Variants in DBF4B observed in about 807,000 individuals in gnomAD.
DBF4B encodes DBF4B-CDC7 kinase regulatory subunit.
DBF4B carries 49 observed loss-of-function variants against 53.4 expected under a neutral mutation model. The ratio of observed to expected loss-of-function variants is 0.92; its 90% CI spans 0.73 to 1.16. The LOEUF is 1.16. Among genes scored for constraint, DBF4B ranks in the 50% most tolerant of loss-of-function variants. The probability of loss-of-function intolerance (pLI) is 0.00; values close to 1 mark genes in which losing one functional copy is unlikely to be tolerated. For missense variants in DBF4B, 692 were observed against 775.0 expected (o/e 0.89, Z 1.27); for synonymous variants, 257 against 288.7 (o/e 0.89, Z 1.11).
intron 2 of DBF4B, among the ~76,000 whole-genome samples, chr17:44,721,873 G>A (rs1388859200): frequency 1.3e-5 from 2 of 151,504 alleles, no homozygotes; most frequent in Non-Finnish European, 2.9e-5. Flanking sequence ...GGTGGCTCGC[G>A]CCTGTAATCC....
intron 2 of DBF4B, among the ~76,000 whole-genome samples, chr17:44,711,535 T>C (rs992103250): frequency 6.6e-6 from 1 of 152,076 alleles, no homozygotes; most frequent in African/African-American, 2.4e-5. Context: ...AGGCAGGCCA[T>C]GTGTGGTGGC....
In DBF4B at chr17:44,749,202, A is replaced by T. The variant is rs2049206322; in HGVS notation, c.1189+737A>T. On this transcript the variant is annotated intron_variant, in intron 13 of 13. Coordinates refer to ENST00000315005, the MANE Select transcript of DBF4B (RefSeq NM_145663.3). The surrounding 1 kb of genome is among the most constrained non-coding windows in gnomAD (Gnocchi z 4.4). ...CCAGTGCGGGAGCCAGCTGTTCCCG[A>T]TGCCTCTGGGCCCCCCAGCCTCTCC... The T allele has an allele frequency of 7.0e-6, 9 of 1,289,942 alleles. No individual in the cohort carries two copies. The highest frequency in any genetic ancestry group is 9.1e-6 in the Non-Finnish European group (9 of 988,842). 79.9% of individuals were successfully genotyped at this position (1,289,942 alleles called of 1,614,324 possible).
chr17:44,736,233 C>T (rs1036010067), intron 7 of DBF4B, among the ~76,000 whole-genome samples: 2 of 151,982 alleles, frequency 1.3e-5, no homozygotes, highest in Middle Eastern at 3.2e-3. Context: ...ATCCACCTGC[C>T]TCGGCCTACC....
chr17:44,719,853 T>A, intron 2 of DBF4B: 1 of 223,994 alleles, frequency 4.5e-6, no homozygotes. Context: ...GATTTTTTTC[T>A]AAAACATGTG....
In DBF4B at chr17:44,749,260, T is replaced by C. The variant is rs1324414598; in HGVS notation, c.1189+795T>C. 7.7e-7 allele frequency: 1 copy of C among 1,290,384 alleles called. No homozygotes were observed. Among genetic ancestry groups the C allele is most frequent in the African/African-American group, 1.5e-5 (1 of 65,902 alleles). 79.9% of individuals were successfully genotyped at this position (1,290,384 alleles called of 1,614,324 possible). ...CTGTCTCCCTGTCTCCCAGCCCTGG[T>C]CCCAACCCCAGCCCCAGCCCCAGCC... On this transcript the variant is annotated intron_variant, in intron 13 of 13. Coordinates refer to ENST00000315005, the MANE Select transcript of DBF4B (RefSeq NM_145663.3). The surrounding 1 kb of genome is among the most constrained non-coding windows in gnomAD (Gnocchi z 4.4).
intron 2 of DBF4B, among the ~76,000 whole-genome samples, chr17:44,710,117 G>C (rs1011810723): frequency 3.3e-5 from 5 of 151,862 alleles, no homozygotes; most frequent in Non-Finnish European, 7.4e-5. Context: ...AGGTTGCAGC[G>C]AGCCGAGATT....
intron 2 of DBF4B, 71 bp downstream of exon 2, chr17:44,709,437 A>G: frequency 6.6e-7 from 1 of 1,516,246 alleles, no homozygotes; most frequent in East Asian, 2.3e-5. Flanking sequence ...AGACCGAAAA[A>G]TGTTCCCCCT....
chr17:44,748,714 T>G (rs2049178694), intron 13 of DBF4B: 1 of 1,391,164 alleles, frequency 7.2e-7, no homozygotes, highest in Non-Finnish European at 9.5e-7. Flanking sequence ...GAAGGTTCAG[T>G]TCCCCAGTGG....
At position 44,736,865 on chromosome 17, in the gene DBF4B, A is replaced by G. The variant is rs775328514; in HGVS notation, c.666A>G (p.Lys222=). Residue 222 remains lysine, a splice_region_variant and synonymous_variant, in exon 8 of 14, where the codon AAA becomes AAG. Coordinates refer to ENST00000315005, the MANE Select transcript of DBF4B (RefSeq NM_145663.3). ...CAGCAGCAGAGTCAAGAACACGGAA[A>G]GGTCAGTGTGGTAGCTTTTCCTCAT... ...TCPAAESRTR[K]VARLKAPFLK... The G allele has an allele frequency of 5.6e-6, 9 of 1,613,910 alleles. No individual in the cohort carries two copies. Among genetic ancestry groups the G allele is most frequent in the African/African-American group, 2.7e-5 (2 of 74,932 alleles).
At chr17:44,715,812 CTTTTTTTTT>C (rs869200833) in intron 2 of DBF4B, among the ~76,000 whole-genome samples, 4 of 55,514 alleles carry the variant, frequency 7.2e-5, no homozygotes, top group African/African-American at 3.5e-4. Flanking sequence ...TTCTTTCTTT[CTTTTTTTTT>C]TTTTTTTTTT....
chr17:44,746,231 CAAA>C (rs11322604), intron 10 of DBF4B, among the ~76,000 whole-genome samples: 28 of 87,712 alleles, frequency 3.2e-4, no homozygotes, highest in Admixed American at 7.4e-4. Flanking sequence ...TACTCCATCT[CAAA>C]AAAAAAAAAA....
chr17:44,717,880 G>C (rs952216553), intron 2 of DBF4B, among the ~76,000 whole-genome samples: 2 of 151,660 alleles, frequency 1.3e-5, no homozygotes, highest in Non-Finnish European at 2.9e-5. Flanking sequence ...GCCAGGTATG[G>C]TGGTGCGTGA....
chr17:44,732,502 A>T, intron 6 of DBF4B: 1 of 505,440 alleles, frequency 2.0e-6, no homozygotes, highest in South Asian at 2.4e-5. Flanking sequence ...ATGCCGTTTC[A>T]TGTCACCTGC....
intron 2 of DBF4B, among the ~76,000 whole-genome samples, chr17:44,719,393 G>C (rs1026160651): frequency 6.6e-6 from 1 of 151,916 alleles, no homozygotes; most frequent in African/African-American, 2.4e-5. Context: ...AATCAATTTA[G>C]AGCACTTTTC....
chr17:44,743,188 C>T (rs1976249872), intron 10 of DBF4B, among the ~76,000 whole-genome samples: 1 of 152,078 alleles, frequency 6.6e-6, no homozygotes, highest in Non-Finnish European at 1.5e-5. Flanking sequence ...CACAGAGGAG[C>T]TAAGAGGCTG....
chr17:44,746,181 G>A (rs1225687670), intron 10 of DBF4B, among the ~76,000 whole-genome samples: 4 of 145,012 alleles, frequency 2.8e-5, no homozygotes, highest in Non-Finnish European at 4.5e-5. Flanking sequence ...GCAGTGAGCC[G>A]AAATCATGCT....
intron 5 of DBF4B, chr17:44,731,790 C>T (rs1049698091): frequency 5.7e-6 from 1 of 175,768 alleles, no homozygotes; most frequent in African/African-American, 2.4e-5. Context: ...GGGGGAAGAT[C>T]TGCAGCTAGC....
intron 2 of DBF4B, chr17:44,720,125 C>T (rs760184585): frequency 2.7e-5 from 8 of 292,204 alleles, no homozygotes; most frequent in Non-Finnish European, 4.6e-5. Context: ...AAACCACCCT[C>T]GCCTCTGTGG....
At chr17:44,743,800 G>A (rs1976317728) in intron 10 of DBF4B, among the ~76,000 whole-genome samples, 1 of 151,316 alleles carries the variant, frequency 6.6e-6, no homozygotes, top group African/African-American at 2.4e-5. Flanking sequence ...TAGTACAGAT[G>A]GGGTTTCACT....
Sources: gnomAD v4.1 joint callset for allele counts (sites outside exome capture counted in the v4.1 genomes callset) on GRCh38, gnomAD v4.1.1 for gene constraint, Gnocchi (gnomAD v3.1) non-coding constraint, MANE v1.5 for transcripts, NCBI Gene and HGNC (gene_info 2026-07-23, HGNC 2026-07-21) for gene names.